Variants in KCTD8 observed in about 807,000 individuals in gnomAD.
KCTD8 encodes the protein potassium channel tetramerization domain containing 8, also known as BTB/POZ domain-containing protein KCTD8.
A neutral mutation model predicts 31.5 loss-of-function variants in KCTD8; 27 were observed. The ratio of observed to expected loss-of-function variants is 0.86; its 90% CI spans 0.63 to 1.18. The LOEUF (loss-of-function observed/expected upper bound fraction) is 1.18, where lower values mean the gene tolerates loss of function less well. Among genes scored for constraint, KCTD8 ranks in the 50% most tolerant of loss-of-function variants. The probability of loss-of-function intolerance (pLI) is 0.00; values close to 1 mark genes in which losing one functional copy is unlikely to be tolerated. For missense variants in KCTD8, 658 were observed against 647.7 expected (o/e 1.02, Z -0.17); for synonymous variants, 290 against 280.0 (o/e 1.04, Z -0.36).
In KCTD8 at chr4:44,398,626, A is replaced by G. The variant is rs555652986; in HGVS notation, c.961+48937T>C. ...GGTCACTTAGGTCTATCACAGAATT[A>G]AAGATCCGGAACGAACTCTCAAAGA... On this transcript the variant is annotated intron_variant, in intron 1 of 1. Transcript: ENST00000360029. Among the ~76,000 whole-genome samples, 68 of 152,288 alleles carry G rather than the reference A, an allele frequency of 4.5e-4. 1 individual carries two copies. Among genetic ancestry groups the G allele is most frequent in the Admixed American group, 1.8e-3 (27 of 15,288 alleles).
rs759735507 is a variant in KCTD8, at chr4:44,448,551, C to T, written c.-28G>A. 1 of 1,442,052 alleles carries T rather than the reference C, an allele frequency of 6.9e-7. No homozygotes were observed. Among genetic ancestry groups the T allele is most frequent in the Admixed American group, 2.7e-5 (1 of 37,612 alleles). 89.3% of individuals were successfully genotyped at this position (1,442,052 alleles called of 1,614,324 possible). A position where few individuals can be genotyped will look rare whatever the true frequency, so the allele number is the denominator to read the frequency against. ...TCCCCCCGCCGCCGGCCCAGTGACC[C>T]GAGAGAGCTGCACTTTCTCGTTCCC... On this transcript the variant is annotated 5_prime_UTR_variant, in exon 1 of 2. Transcript: ENST00000360029. This position sits in a 1 kb window ranked among gnomAD's most constrained non-coding sequence, Gnocchi z 4.1.
chr4:44,178,361 C>G (rs948829449), intron 1 of KCTD8, among the ~76,000 whole-genome samples: 11 of 151,940 alleles, frequency 7.2e-5, no homozygotes, highest in Non-Finnish European at 1.3e-4. Flanking sequence ...TTATATGAAG[C>G]CGGGAGTGGT....
chr4:44,394,021 G>A (rs1357567009), intron 1 of KCTD8, among the ~76,000 whole-genome samples: 1 of 151,792 alleles, frequency 6.6e-6, no homozygotes, highest in Non-Finnish European at 1.5e-5. Context: ...TATAATATAA[G>A]CATTCATTCT....
intron 1 of KCTD8, among the ~76,000 whole-genome samples, chr4:44,340,090 A>C (rs1337349938): frequency 6.6e-6 from 1 of 151,652 alleles, no homozygotes; most frequent in Non-Finnish European, 1.5e-5. Context: ...AATATGTAAA[A>C]GGGTGTGGAG....
chr4:44,392,331 T>C (rs1323239363), intron 1 of KCTD8, among the ~76,000 whole-genome samples: 3 of 152,020 alleles, frequency 2.0e-5, no homozygotes, highest in African/African-American at 7.2e-5. Flanking sequence ...GTGATGTATA[T>C]GGCCTTCTGT....
At chr4:44,186,580 G>C (rs1713593871) in intron 1 of KCTD8, among the ~76,000 whole-genome samples, 1 of 152,194 alleles carries the variant, frequency 6.6e-6, no homozygotes, top group African/African-American at 2.4e-5. Flanking sequence ...CTAAGGAGCT[G>C]TAAACATTCA....
chr4:44,388,489 T>C (rs1380750515), intron 1 of KCTD8, among the ~76,000 whole-genome samples: 1 of 151,822 alleles, frequency 6.6e-6, no homozygotes, highest in African/African-American at 2.4e-5. Context: ...ATAAAGAAAA[T>C]GTGGTACATA....
At chr4:44,258,249 G>A (rs1195843131) in intron 1 of KCTD8, among the ~76,000 whole-genome samples, 3 of 151,924 alleles carry the variant, frequency 2.0e-5, no homozygotes, top group Non-Finnish European at 4.4e-5. Flanking sequence ...TGAACTAGGA[G>A]TTGAAACACT....
intron 1 of KCTD8, among the ~76,000 whole-genome samples, chr4:44,280,901 C>G (rs1482001047): frequency 6.6e-6 from 1 of 151,988 alleles, no homozygotes; most frequent in East Asian, 1.9e-4. Context: ...TTAGTAGTGA[C>G]ATGAAATGTG....
chr4:44,367,567 T>C (rs1719673574), intron 1 of KCTD8, among the ~76,000 whole-genome samples: 1 of 152,198 alleles, frequency 6.6e-6, no homozygotes, highest in South Asian at 2.1e-4. Flanking sequence ...GTATTTCCTC[T>C]TAGTACTAAA....
At chr4:44,317,092 G>T (rs1433611182) in intron 1 of KCTD8, among the ~76,000 whole-genome samples, 1 of 151,526 alleles carries the variant, frequency 6.6e-6, no homozygotes, top group East Asian at 1.9e-4. Flanking sequence ...TCATTTTACT[G>T]CTGTATGAAG....
At chr4:44,210,510 AT>A (rs1714449910) in intron 1 of KCTD8, among the ~76,000 whole-genome samples, 1 of 152,190 alleles carries the variant, frequency 6.6e-6, no homozygotes, top group Non-Finnish European at 1.5e-5. Flanking sequence ...CTGTTATTTC[AT>A]TCTTTTTGTC....
chr4:44,264,797 C>T (rs1201565541), intron 1 of KCTD8, among the ~76,000 whole-genome samples: 3 of 152,144 alleles, frequency 2.0e-5, no homozygotes, highest in Non-Finnish European at 4.4e-5. Context: ...GCTAGCACAG[C>T]AGTCTGAGAT....
intron 1 of KCTD8, among the ~76,000 whole-genome samples, chr4:44,404,809 G>A (rs1425680635): frequency 1.3e-5 from 2 of 152,148 alleles, no homozygotes; most frequent in South Asian, 2.1e-4. Flanking sequence ...TCGTATAAAA[G>A]TAATGAAGCC....
Position 44,434,103 on chromosome 4 carries a change from C to T in KCTD8, c.961+13460G>A, listed in dbSNP as rs147260973. ...TATCCAGCCAAATCAAACTATTCCC[C>T]GAACATGCCATTTTTGCATGAACTA... On this transcript the variant is annotated intron_variant, in intron 1 of 1. Coordinates refer to ENST00000360029, the MANE Select transcript of KCTD8 (RefSeq NM_198353.3). Among the ~76,000 whole-genome samples the T allele has an allele frequency of 3.3e-5, 5 of 151,954 alleles. No homozygotes were observed. In the East Asian group the frequency reaches 7.7e-4, roughly 24 times the overall value.
intron 1 of KCTD8, among the ~76,000 whole-genome samples, chr4:44,310,373 T>C (rs971818804): frequency 1.3e-5 from 2 of 151,986 alleles, no homozygotes; most frequent in African/African-American, 2.4e-5. Flanking sequence ...AGTGCTGCAA[T>C]AAAAATGGGA....
chr4:44,360,261 T>C (rs77169582), intron 1 of KCTD8, among the ~76,000 whole-genome samples: 15,162 of 152,030 alleles, frequency 0.1, 838 homozygotes, highest in African/African-American at 0.13. Context: ...ATCTATAAAA[T>C]TATTTGCTTT....
At chr4:44,210,895 T>C (rs1176492029) in intron 1 of KCTD8, among the ~76,000 whole-genome samples, 1 of 152,132 alleles carries the variant, frequency 6.6e-6, no homozygotes, top group African/African-American at 2.4e-5. Context: ...AATGTCATCA[T>C]CAATAGCAGT....
At chr4:44,203,403 C>G (rs1299793981) in intron 1 of KCTD8, among the ~76,000 whole-genome samples, 2 of 149,364 alleles carry the variant, frequency 1.3e-5, no homozygotes, top group East Asian at 4.0e-4. Flanking sequence ...CCTGGGAGAA[C>G]TGCTTGAACC....
Sources: gnomAD v4.1 joint callset for allele counts (sites outside exome capture counted in the v4.1 genomes callset) on GRCh38, gnomAD v4.1.1 for gene constraint, Gnocchi (gnomAD v3.1) non-coding constraint, MANE v1.5 for transcripts, NCBI Gene and HGNC (gene_info 2026-07-23, HGNC 2026-07-21) for gene names.